Variants in ANK2 observed in about 807,000 individuals in gnomAD.
ANK2 encodes ankyrin-2.
In ANK2, 83 loss-of-function variants were observed where a neutral mutation model predicts 360.5. The ratio of observed to expected loss-of-function variants is 0.23; its 90% CI spans 0.19 to 0.28. The LOEUF is 0.28. ANK2 is among the 10% of genes least tolerant of loss of function. The pLI is 1.00. For missense variants in ANK2, 4,201 were observed against 4,795.7 expected, an observed-to-expected ratio of 0.88 and a Z score of 3.66; for synonymous variants, 1,740 against 1,759.5, an observed-to-expected ratio of 0.99 and a Z score of 0.28.
In ANK2 at chr4:113,195,507, T is replaced by TAATCATATGTA. The variant is rs2098734593; in HGVS notation, c.187-861_187-860insAATCATATGTA. ...ATAACATTTTGTAGCATTACTTGGG[T>TAATCATATGTA]CTATATGATATGTGTAAAACAGTGT... On this transcript the variant is annotated intron_variant, in intron 2 of 45. Coordinates refer to ENST00000357077, the MANE Select transcript of ANK2 (RefSeq NM_001148.6). Among the ~76,000 whole-genome samples, 3 of 152,272 alleles carry TAATCATATGTA rather than the reference T, an allele frequency of 2.0e-5. No individual in the cohort carries two copies. In the South Asian group the frequency reaches 6.2e-4, roughly 32 times the overall value.
chr4:113,273,010 A>AT (rs1320445997), intron 14 of ANK2, among the ~76,000 whole-genome samples: 1 of 151,974 alleles, frequency 6.6e-6, no homozygotes, highest in Non-Finnish European at 1.5e-5. Context: ...CAATTCCTCT[A>AT]TTTTTTTCCT....
chr4:112,905,489 T>C (rs2150934766), intron 2 of ANK2, among the ~76,000 whole-genome samples: 1 of 152,308 alleles, frequency 6.6e-6, no homozygotes, highest in African/African-American at 2.4e-5. Context: ...CTATTGAAGA[T>C]AAGATAAAAG....
At chr4:112,880,658 A>G (rs571305205) in intron 1 of ANK2, 3 of 152,326 alleles carry the variant, frequency 2.0e-5, no homozygotes, top group African/African-American at 7.2e-5. Flanking sequence ...AAACAAAAAA[A>G]CCCAAACTTG....
At chr4:112,750,376 G>T in the ANK2 span, among the ~76,000 whole-genome samples, 1 of 151,992 alleles carries the variant, frequency 6.6e-6, no homozygotes, top group Non-Finnish European at 1.5e-5. Flanking sequence ...AAGAAAAAAA[G>T]ATTGTAATAT....
chr4:113,300,146 C>T (rs1191445574), intron 22 of ANK2, among the ~76,000 whole-genome samples: 1 of 152,074 alleles, frequency 6.6e-6, no homozygotes, highest in Non-Finnish European at 1.5e-5. Context: ...CTACTATTCT[C>T]CAGATTTTTG....
intron 4 of ANK2, among the ~76,000 whole-genome samples, chr4:113,223,874 G>C (rs907143232): frequency 2.0e-5 from 3 of 152,206 alleles, no homozygotes; most frequent in Non-Finnish European, 4.4e-5. Flanking sequence ...GTTAACCAGA[G>C]CTGAATTCAC....
intron 22 of ANK2, among the ~76,000 whole-genome samples, chr4:113,297,373 G>A (rs1243412344): frequency 6.6e-6 from 1 of 152,012 alleles, no homozygotes; most frequent in African/African-American, 2.4e-5. Context: ...TGTTATAATT[G>A]TCTCAATTAC....
At chr4:113,135,272 AAGTG>A (rs776747166) in intron 1 of ANK2, among the ~76,000 whole-genome samples, 3 of 152,204 alleles carry the variant, frequency 2.0e-5, no homozygotes, top group Non-Finnish European at 4.4e-5. Flanking sequence ...GAGGAGCAGC[AAGTG>A]AGTGTCATAG....
chr4:113,101,532 A>G (rs1226898018), intron 1 of ANK2, among the ~76,000 whole-genome samples: 1 of 152,194 alleles, frequency 6.6e-6, no homozygotes, highest in Non-Finnish European at 1.5e-5. Flanking sequence ...AGGCAACAAC[A>G]AATTTTTCAT....
chr4:113,124,727 A>G (rs959689461), intron 1 of ANK2, among the ~76,000 whole-genome samples: 2 of 152,168 alleles, frequency 1.3e-5, no homozygotes, highest in Non-Finnish European at 2.9e-5. Flanking sequence ...AGTTTCATTT[A>G]TATCCAACTT....
At chr4:113,061,483 C>A (rs2073335739) in intron 1 of ANK2, among the ~76,000 whole-genome samples, 1 of 151,906 alleles carries the variant, frequency 6.6e-6, no homozygotes, top group African/African-American at 2.4e-5. Context: ...CTTTGTGGAG[C>A]AATTAATTTT....
At chr4:113,019,707 T>A (rs1285698745) in intron 2 of ANK2, among the ~76,000 whole-genome samples, 4 of 152,162 alleles carry the variant, frequency 2.6e-5, no homozygotes, top group Admixed American at 2.6e-4. Flanking sequence ...GTTTTGAAAC[T>A]TTATTATGTT....
At chr4:112,728,737 C>CA in the ANK2 span, among the ~76,000 whole-genome samples, 1 of 151,640 alleles carries the variant, frequency 6.6e-6, no homozygotes, top group African/African-American at 2.4e-5. Context: ...AAAGTGTCTC[C>CA]AAAAAATAAA....
At chr4:112,749,045 G>A in the ANK2 span, among the ~76,000 whole-genome samples, 26 of 152,130 alleles carry the variant, frequency 1.7e-4, no homozygotes, top group Non-Finnish European at 3.1e-4. Flanking sequence ...GATTACAGGC[G>A]TGTGCCACCA....
At chr4:113,278,694 C>A (rs3025725) in intron 17 of ANK2, 136 bp downstream of exon 17, 2 of 831,284 alleles carry the variant, frequency 2.4e-6, no homozygotes, top group Middle Eastern at 5.5e-4. Flanking sequence ...TATTGACACC[C>A]TTTTTTTTCC....
chr4:113,086,992 G>C (rs1254765771), intron 1 of ANK2, among the ~76,000 whole-genome samples: 1 of 152,154 alleles, frequency 6.6e-6, no homozygotes, highest in African/African-American at 2.4e-5. Flanking sequence ...TATGTTGGGT[G>C]ATAGGAATAC....
Position 113,355,087 on chromosome 4 carries a change from G to A in ANK2, c.6469G>A (p.Glu2157Lys), listed in dbSNP as rs763973483. 7 of 1,614,114 alleles carry A rather than the reference G, an allele frequency of 4.3e-6. No individual in the cohort carries two copies. The highest frequency in any genetic ancestry group is 5.9e-6 in the Non-Finnish European group (7 of 1,180,004). ...NDKYQQFRLSEETEKAQLHLD... is the reference protein window; with the variant it reads ...NDKYQQFRLSKETEKAQLHLD... ...CAAATACCAACAATTCCGCCTGAGT[G>A]AGGAGACAGAAAAGGCACAGCTTCA... Residue 2157 changes from glutamate to lysine, a missense_variant, in exon 38 of 46, where the codon GAG becomes AAG. Glu to Lys is a moderately conservative substitution (Grantham distance 56). Coordinates refer to ENST00000357077, the MANE Select transcript of ANK2 (RefSeq NM_001148.6).
chr4:113,106,439 G>C (rs1477285339), intron 1 of ANK2, among the ~76,000 whole-genome samples: 2 of 152,166 alleles, frequency 1.3e-5, no homozygotes, highest in Non-Finnish European at 2.9e-5. Flanking sequence ...GGGCCTCCAA[G>C]CTGCCTCTCC....
intron 22 of ANK2, among the ~76,000 whole-genome samples, chr4:113,300,318 T>A (rs1175729091): frequency 1.3e-5 from 2 of 152,220 alleles, no homozygotes; most frequent in Non-Finnish European, 2.9e-5. Context: ...TTTCTTTACT[T>A]TCTCTGTTTC....
Sources: allele counts gnomAD v4.1 joint callset (sites outside exome capture counted in the v4.1 genomes callset), GRCh38; gene constraint gnomAD v4.1.1; transcripts MANE v1.5; gene names NCBI Gene and HGNC (gene_info 2026-07-23, HGNC 2026-07-21).